The following KIF20B variants were observed in gnomAD, a reference collection of about 807,000 sequenced individuals.
The protein encoded by KIF20B is kinesin family member 20B, also known as kinesin-like protein KIF20B.
A neutral mutation model predicts 232.5 loss-of-function variants in KIF20B; 188 were observed. The ratio of observed to expected loss-of-function variants is 0.81; its 90% CI spans 0.72 to 0.91. The LOEUF is 0.91. KIF20B is among the 40% of genes least tolerant of loss of function. The probability of loss-of-function intolerance (pLI) is 0.00; values close to 1 mark genes in which losing one functional copy is unlikely to be tolerated. For synonymous variants in KIF20B, 712 were observed against 683.0 expected, an observed-to-expected ratio of 1.04 and a Z score of -0.66; for missense variants, 2,154 against 2,055.9, an observed-to-expected ratio of 1.05 and a Z score of -0.92.
intron 29 of KIF20B, among the ~76,000 whole-genome samples, chr10:89,765,498 C>G (rs1439845159): frequency 1.8e-4 from 27 of 152,066 alleles, no homozygotes; most frequent in Admixed American, 1.8e-3. Context: ...CCCCATCAAG[C>G]TACCAATGAC....
intron 18 of KIF20B, among the ~76,000 whole-genome samples, chr10:89,730,601 CAT>C (rs1843297997): frequency 6.6e-6 from 1 of 152,058 alleles, no homozygotes; most frequent in African/African-American, 2.4e-5. Context: ...CAAGAAGGTA[CAT>C]TGGCCTTCCA....
chr10:89,768,328 C>G lies in KIF20B; in HGVS notation c.5028C>G (p.Pro1676=), dbSNP rs777367142. The G allele has an allele frequency of 3.8e-6, 6 of 1,589,906 alleles. No homozygotes were observed. The highest frequency in any genetic ancestry group is 4.3e-6 in the Non-Finnish European group (5 of 1,166,408). ...VKCENKKNAT[P]RTNLKFPISD... is the part of the protein sequence containing the mutation. ...GTGAAAATAAGAAGAATGCTACACCCAGAACTAATTTGAAATTTCCTATTT... is the reference window on the plus strand; with the variant it reads ...GTGAAAATAAGAAGAATGCTACACCGAGAACTAATTTGAAATTTCCTATTT... Residue 1676 remains proline, a synonymous_variant, in exon 30 of 33, where the codon CCC becomes CCG. Coordinates refer to ENST00000371728, the MANE Select transcript of KIF20B (RefSeq NM_001284259.2).
Position 89,717,618 on chromosome 10 carries a change from G to T in KIF20B, c.1167G>T (p.Lys389Asn), listed in dbSNP as rs150319905. 2,507 of 1,611,814 alleles carry T rather than the reference G, an allele frequency of 1.6e-3. 6 individuals carry two copies. The highest frequency in any genetic ancestry group is 4.8e-3 in the Middle Eastern group (29 of 6,048). The change falls in exon 11 of 33, where the codon AAG becomes AAT. Residue 389 changes from lysine to asparagine, a missense_variant. Lys to Asn is a moderately conservative substitution (Grantham distance 94). Coordinates refer to ENST00000371728, the MANE Select transcript of KIF20B (RefSeq NM_001284259.2). ...TTGCTGGTTCAGAACGAACTATGAA[G>T]ACACAGAATGAAGGTGAAAGGTTAA... ...CDLAGSERTM[K>N]TQNEGERLRE...
At chr10:89,718,401 C>T (rs1291606449) in intron 11 of KIF20B, among the ~76,000 whole-genome samples, 1 of 152,042 alleles carries the variant, frequency 6.6e-6, no homozygotes, top group Non-Finnish European at 1.5e-5. Context: ...ATCCCTGCTA[C>T]CCTGGAGGCA....
At chr10:89,733,143 C>G (rs1843366016) in intron 19 of KIF20B, 87 bp downstream of exon 19, 2 of 1,346,142 alleles carry the variant, frequency 1.5e-6, no homozygotes, top group Non-Finnish European at 2.1e-6. Flanking sequence ...GGGGCATTCA[C>G]TTGTCTAAGG....
chr10:89,704,832 C>T (rs955670879), intron 1 of KIF20B, among the ~76,000 whole-genome samples: 1 of 152,228 alleles, frequency 6.6e-6, no homozygotes, highest in South Asian at 2.1e-4. Flanking sequence ...GCTGGGATTA[C>T]AGGCGTGAGC....
chr10:89,738,369 A>T lies in KIF20B; in HGVS notation c.3528A>T (p.Glu1176Asp). The change falls in exon 20 of 33, where the codon GAA (glutamate) becomes GAT (aspartate). Residue 1176 changes from glutamate (E) to aspartate (D), a missense_variant. By Grantham distance (45) the Glu-to-Asp change is conservative. Transcript: ENST00000371728. ...LETILETQKV[E>D]CSHSAKLEQD... is the part of the protein sequence containing the mutation. ...CAATTTTAGAGACTCAGAAAGTTGA[A>T]TGTAGTCATTCAGCCAAGTTAGAAC... is the stretch of plus-strand genomic sequence containing the variant. 1 of 1,609,236 alleles carries T rather than the reference A, an allele frequency of 6.2e-7. No homozygotes were observed. Among genetic ancestry groups the T allele is most frequent in the Non-Finnish European group, 8.5e-7 (1 of 1,178,516 alleles).
intron 6 of KIF20B, among the ~76,000 whole-genome samples, chr10:89,711,372 T>C (rs1330997392): frequency 2.6e-5 from 4 of 152,200 alleles, no homozygotes; most frequent in Non-Finnish European, 5.9e-5. Context: ...TTCTGAAATC[T>C]TTTTTGATTG....
chr10:89,742,321 A>G (rs1841816684), intron 21 of KIF20B, among the ~76,000 whole-genome samples: 1 of 152,072 alleles, frequency 6.6e-6, no homozygotes, highest in Admixed American at 6.5e-5. Flanking sequence ...ATACTATCCA[A>G]TGTTTCAGGT....
In KIF20B at chr10:89,738,200, T is replaced by C. The variant is rs2133128057; in HGVS notation, c.3359T>C (p.Leu1120Pro). ...QDDLLKEKET[L>P]IQQLKEELQE... is the part of the protein sequence containing the mutation. ...GACCTACTAAAAGAAAAAGAAACTCTTATACAGCAGCTGAAAGAAGAATTG... is the reference window on the plus strand; with the variant it reads ...GACCTACTAAAAGAAAAAGAAACTCCTATACAGCAGCTGAAAGAAGAATTG... The change falls in exon 20 of 33, where the codon CTT becomes CCT. Residue 1120 changes from leucine to proline, a missense_variant. Transcript: ENST00000371728. 6.2e-7 allele frequency: 1 copy of C among 1,605,034 alleles called. No individual in the cohort carries two copies. The highest frequency in any genetic ancestry group is 8.5e-7 in the Non-Finnish European group (1 of 1,178,412).
intron 17 of KIF20B, 117 bp downstream of exon 17, chr10:89,728,013 A>G: frequency 3.6e-6 from 3 of 837,118 alleles, no homozygotes; most frequent in South Asian, 2.4e-5. Context: ...GTCTCTTGGT[A>G]TGCATGGGGG....
intron 2 of KIF20B, 65 bp downstream of exon 2, chr10:89,705,506 A>G (rs1842704248): frequency 6.8e-7 from 1 of 1,476,150 alleles, no homozygotes; most frequent in Non-Finnish European, 9.2e-7. Context: ...TTGGCAAACA[A>G]TGGCCTGTTT....
intron 24 of KIF20B, among the ~76,000 whole-genome samples, chr10:89,751,826 T>C (rs1842027889): frequency 6.6e-6 from 1 of 152,086 alleles, no homozygotes; most frequent in Admixed American, 6.5e-5. Flanking sequence ...ATAAATACTT[T>C]GATTTCATTG....
Position 89,768,275 on chromosome 10 carries a change from A to C in KIF20B, c.4990-15A>C. 1 of 1,454,486 alleles carries C rather than the reference A, an allele frequency of 6.9e-7. No homozygotes were observed. Among genetic ancestry groups the C allele is most frequent in the Non-Finnish European group, 9.5e-7 (1 of 1,056,376 alleles). 90.1% of individuals were successfully genotyped at this position (1,454,486 alleles called of 1,614,324 possible). The stretch of plus-strand genomic sequence containing the variant: ...TGTCAAGAAATTAACTGGTGCTAAA[A>C]TTCATTATTTTTAGGACTTGGTGAA... On this transcript the variant is annotated splice_polypyrimidine_tract_variant and intron_variant, in intron 29 of 32. Transcript: ENST00000371728.
chr10:89,733,521 C>A (rs2133120494), intron 19 of KIF20B, among the ~76,000 whole-genome samples: 1 of 152,188 alleles, frequency 6.6e-6, no homozygotes, highest in Admixed American at 6.5e-5. Flanking sequence ...AAAGATAATA[C>A]ATGTTGAAGA....
At chr10:89,758,939 C>A in intron 27 of KIF20B, 57 bp downstream of exon 27, 2 of 1,087,622 alleles carry the variant, frequency 1.8e-6, no homozygotes, top group African/African-American at 1.6e-5. Flanking sequence ...ACTTAATTGA[C>A]TAACTCTTAA....
Position 89,709,375 on chromosome 10 carries a change from G to A in KIF20B, c.265G>A (p.Val89Ile), listed in dbSNP as rs1279246917. The A allele has an allele frequency of 1.9e-6, 3 of 1,613,362 alleles. No individual in the cohort carries two copies. Among genetic ancestry groups the A allele is most frequent in the Non-Finnish European group, 2.5e-6 (3 of 1,179,670 alleles). ...TGTGCATATTCTGGATTCACAGACT[G>A]TTGTGCTGAAAGAGCCTCAATGCAT... ...GCVHILDSQT[V>I]VLKEPQCILG... The change falls in exon 4 of 33, where the codon GTT (valine) becomes ATT (isoleucine). Residue 89 changes from valine to isoleucine, a missense_variant. Physicochemically the swap from Val to Ile is conservative, Grantham distance 29. Transcript: ENST00000371728.
chr10:89,720,894 G>A (rs1481031643), intron 13 of KIF20B, among the ~76,000 whole-genome samples: 1 of 152,094 alleles, frequency 6.6e-6, no homozygotes, highest in African/African-American at 2.4e-5. Context: ...ATCTTTAGTA[G>A]AGATGGGGTT....
At chr10:89,735,066 A>G (rs1347930957) in intron 19 of KIF20B, among the ~76,000 whole-genome samples, 1 of 152,142 alleles carries the variant, frequency 6.6e-6, no homozygotes, top group Non-Finnish European at 1.5e-5. Context: ...CTAGAAAATC[A>G]CTCTTGTGTA....
Sources: gnomAD v4.1 joint callset for allele counts (sites outside exome capture counted in the v4.1 genomes callset) on GRCh38, gnomAD v4.1.1 for gene constraint, MANE v1.5 for transcripts, NCBI Gene and HGNC (gene_info 2026-07-23, HGNC 2026-07-21) for gene names.